WIPI2: variants seen among roughly 807,000 people sequenced by gnomAD.
WIPI2 encodes the protein WD repeat domain, phosphoinositide interacting 2.
A neutral mutation model predicts 52.3 loss-of-function variants in WIPI2; 28 were observed. The ratio of observed to expected loss-of-function variants is 0.54; its 90% CI spans 0.40 to 0.73. The LOEUF is 0.73. Among genes scored for constraint, WIPI2 ranks in the 30% least tolerant of loss-of-function variants. WIPI2 has a pLI of 0.00. For synonymous variants in WIPI2, 268 were observed against 245.0 expected (o/e 1.09, Z -0.88); for missense variants, 506 against 602.9 (o/e 0.84, Z 1.68).
chr7:5,203,947 C>T (rs1378437366), intron 3 of WIPI2, among the ~76,000 whole-genome samples: 2 of 152,180 alleles, frequency 1.3e-5, no homozygotes, highest in Admixed American at 6.5e-5. Context: ...TTAGTGTCAG[C>T]GTGAGTGCCT....
chr7:5,195,185 A>G (rs759090577), intron 2 of WIPI2, among the ~76,000 whole-genome samples: 5 of 152,166 alleles, frequency 3.3e-5, no homozygotes, highest in Non-Finnish European at 7.3e-5. Flanking sequence ...CCCTTTGTCA[A>G]TGAAAGAGCC....
chr7:5,229,452 G>T (rs1325823642), intron 11 of WIPI2, 156 bp from the exon 12 acceptor site: 1 of 772,106 alleles, frequency 1.3e-6, no homozygotes, highest in Non-Finnish European at 2.0e-6. Flanking sequence ...AACGTGTGCA[G>T]ATAGACGAGA....
chr7:5,231,640 A>G lies in WIPI2; in HGVS notation c.*693A>G, dbSNP rs887315273. 1 of 152,446 alleles carries G rather than the reference A, an allele frequency of 6.6e-6. No individual in the cohort carries two copies. Among genetic ancestry groups the G allele is most frequent in the Admixed American group, 6.6e-5 (1 of 15,266 alleles). 9.4% of individuals were successfully genotyped at this position (152,446 alleles called of 1,614,324 possible). A position where few individuals can be genotyped will look rare whatever the true frequency, so the allele number is the denominator to read the frequency against. On this transcript the variant is annotated 3_prime_UTR_variant, in exon 13 of 13. Coordinates refer to ENST00000288828, the MANE Select transcript of WIPI2 (RefSeq NM_015610.4). The stretch of plus-strand genomic sequence containing the variant: ...TAAAAACCTTTCTTTCAGGCAGCAA[A>G]TGAACTTGAAAGGTTGCCTGGACTC...
Position 5,217,074 on chromosome 7 carries a change from C to A in WIPI2, c.479-16C>A. The stretch of plus-strand genomic sequence containing the variant: ...AGGTGGAAGTTTGCATCTCGTCCTC[C>A]GTGTGTCATTTGCAGGCCTGTGTGC... On this transcript the variant is annotated splice_polypyrimidine_tract_variant and intron_variant, in intron 5 of 12. Coordinates refer to ENST00000288828, the MANE Select transcript of WIPI2 (RefSeq NM_015610.4). The A allele has an allele frequency of 4.4e-6, 7 of 1,601,226 alleles. No homozygotes were observed. The highest frequency in any genetic ancestry group is 6.0e-6 in the Non-Finnish European group (7 of 1,169,486).
intron 3 of WIPI2, among the ~76,000 whole-genome samples, chr7:5,205,759 C>T (rs1321673931): frequency 2.0e-5 from 3 of 152,114 alleles, no homozygotes; most frequent in African/African-American, 7.2e-5. Flanking sequence ...CCACCTGCCT[C>T]TGCCTCCCAA....
chr7:5,197,087 G>T (rs1290754022), intron 2 of WIPI2, among the ~76,000 whole-genome samples: 1 of 112,670 alleles, frequency 8.9e-6, no homozygotes, highest in African/African-American at 3.5e-5. Flanking sequence ...ACTCCAGCCT[G>T]CATGACAGAG....
chr7:5,203,989 T>G (rs1782171491), intron 3 of WIPI2, among the ~76,000 whole-genome samples: 1 of 152,192 alleles, frequency 6.6e-6, no homozygotes, highest in Non-Finnish European at 1.5e-5. Context: ...CGTGCCATCT[T>G]GAGTCAATAC....
chr7:5,226,370 A>T (rs1562407769), intron 9 of WIPI2: 1 of 189,730 alleles, frequency 5.3e-6, no homozygotes, highest in East Asian at 1.5e-4. Context: ...GGGGGGTCTT[A>T]TCTTTTAAGA....
chr7:5,204,483 A>T (rs1305801664), intron 3 of WIPI2, among the ~76,000 whole-genome samples: 1 of 152,154 alleles, frequency 6.6e-6, no homozygotes, highest in Non-Finnish European at 1.5e-5. Flanking sequence ...GTTCATCTGT[A>T]TGTGAAGTGT....
chr7:5,199,014 A>G (rs1781886118), intron 2 of WIPI2, among the ~76,000 whole-genome samples: 1 of 152,080 alleles, frequency 6.6e-6, no homozygotes, highest in Non-Finnish European at 1.5e-5. Context: ...GATCTCCAGA[A>G]AAAGTTTTTT....
At chr7:5,223,895 C>G (rs1051278410) in intron 8 of WIPI2, among the ~76,000 whole-genome samples, 1 of 152,236 alleles carries the variant, frequency 6.6e-6, no homozygotes, top group African/African-American at 2.4e-5. Context: ...ACCTGTGGGC[C>G]CGCCCTGTGC....
In WIPI2 at chr7:5,228,183, G is replaced by A. The variant is rs1330160453; in HGVS notation, c.1093G>A (p.Gly365Ser). Residue 365 changes from glycine (G) to serine (S), a missense_variant, in exon 11 of 13, where the codon GGC becomes AGC. Coordinates refer to ENST00000288828, the MANE Select transcript of WIPI2 (RefSeq NM_015610.4). The part of the protein sequence containing the change: ...YMYNLDPQEG[G>S]ECALMKQHRL... The stretch of plus-strand genomic sequence containing the variant: ...GTACAACCTGGACCCCCAGGAGGGC[G>A]GCGAGTGTGCCCTGATGAAGCAGCA... 3.7e-6 allele frequency: 6 copies of A among 1,613,590 alleles called. No homozygotes were observed. The highest frequency in any genetic ancestry group is 5.1e-6 in the Non-Finnish European group (6 of 1,179,956).
intron 11 of WIPI2, 140 bp downstream of exon 11, chr7:5,228,351 G>T (rs944136597): frequency 2.5e-6 from 2 of 791,362 alleles, no homozygotes; most frequent in African/African-American, 1.8e-5. Context: ...ATGCCGCGCA[G>T]GTCGGGAGCT....
chr7:5,217,151 C>G lies in WIPI2; in HGVS notation c.540C>G (p.Thr180=). Residue 180 remains threonine, a synonymous_variant, in exon 6 of 13, where the codon ACC becomes ACG. Coordinates refer to ENST00000288828, the MANE Select transcript of WIPI2 (RefSeq NM_015610.4). The part of the protein sequence containing the change: ...NCYLAYPGSA[T]IGEVQVFDTI... ...ACTTGGCGTACCCAGGGAGCGCGAC[C>G]ATCGGAGAGGTGCAGGTCTTCGATA... 1 of 1,614,144 alleles carries G rather than the reference C, an allele frequency of 6.2e-7. No individual in the cohort carries two copies. The highest frequency in any genetic ancestry group is 8.5e-7 in the Non-Finnish European group (1 of 1,180,006).
rs1466843287 is a variant in WIPI2 at position 5,227,120 on chromosome 7, G to C, written c.849-60G>C. The C allele has an allele frequency of 8.1e-6, 13 of 1,601,100 alleles. No homozygotes were observed. Among genetic ancestry groups the C allele is most frequent in the Admixed American group, 3.4e-5 (2 of 58,784 alleles). ...CAGAGCTGTGCGTCTGTGTGAGTAG[G>C]GGGTGGCCGTCCCCCCAGGGAGGGT... On this transcript the variant is annotated intron_variant, in intron 9 of 12. Transcript: ENST00000288828. This position sits in a 1 kb window ranked among gnomAD's most constrained non-coding sequence, Gnocchi z 8.1.
chr7:5,203,460 G>A (rs118073321), intron 3 of WIPI2, among the ~76,000 whole-genome samples: 1 of 152,192 alleles, frequency 6.6e-6, no homozygotes, highest in East Asian at 1.9e-4. Flanking sequence ...GAAGCAAAAA[G>A]CAACATTCTT....
intron 3 of WIPI2, among the ~76,000 whole-genome samples, chr7:5,200,201 CAG>C (rs1395542333): frequency 3.3e-5 from 5 of 152,046 alleles, no homozygotes; most frequent in Non-Finnish European, 7.4e-5. Context: ...TTTTGCAAAA[CAG>C]AAATAATGCA....
At chr7:5,228,947 G>A (rs1783581154) in intron 11 of WIPI2, among the ~76,000 whole-genome samples, 1 of 152,070 alleles carries the variant, frequency 6.6e-6, no homozygotes, top group Non-Finnish European at 1.5e-5. Context: ...GGAACTCCTA[G>A]GCTCAAGTGA....
At position 5,193,709 on chromosome 7, in the gene WIPI2, G is replaced by A. The variant is rs141781128; in HGVS notation, c.128+538G>A. On this transcript the variant is annotated intron_variant, in intron 2 of 12. Transcript: ENST00000288828. Reference sequence around the variant, plus strand: ...TCCTGCCTCAGCCTCCCGAGAAACCGGGACTACAGGCGTAGGCCCCACACC... The same window carrying A: ...TCCTGCCTCAGCCTCCCGAGAAACCAGGACTACAGGCGTAGGCCCCACACC... Among the ~76,000 whole-genome samples the A allele has an allele frequency of 4.4e-3, 665 of 152,246 alleles. 2 individuals are homozygous for A. Among genetic ancestry groups the A allele is most frequent in the Non-Finnish European group, 5.6e-3 (382 of 68,020 alleles).
Sources: allele counts gnomAD v4.1 joint callset (sites outside exome capture counted in the v4.1 genomes callset), GRCh38; gene constraint gnomAD v4.1.1; non-coding constraint Gnocchi (gnomAD v3.1); transcripts MANE v1.5; gene names NCBI Gene and HGNC (gene_info 2026-07-23, HGNC 2026-07-21).